Variants in RIMS2 observed in about 807,000 individuals in gnomAD.
The protein encoded by RIMS2 is regulating synaptic membrane exocytosis 2, also known as regulating synaptic membrane exocytosis protein 2.
In RIMS2, 59 loss-of-function variants were observed where a neutral mutation model predicts 174.4. The observed-to-expected ratio is 0.34, with a 90% CI of 0.27 to 0.42. The LOEUF (loss-of-function observed/expected upper bound fraction) is 0.42, where lower values mean the gene tolerates loss of function less well. Ranked by LOEUF, RIMS2 falls within the 10% of genes least tolerant of loss-of-function variation. The probability of loss-of-function intolerance (pLI) is 1.00; values close to 1 mark genes in which losing one functional copy is unlikely to be tolerated. For synonymous variants in RIMS2, 606 were observed against 572.5 expected (o/e 1.06, Z -0.84); for missense variants, 1,620 against 1,666.3 (o/e 0.97, Z 0.48).
chr8:103,612,664 C>T (rs143867461), intron 1 of RIMS2, among the ~76,000 whole-genome samples: 119 of 152,266 alleles, frequency 7.8e-4, no homozygotes, highest in Middle Eastern at 3.4e-3. Flanking sequence ...CTGCAACCTC[C>T]GCCTACTGGG....
At chr8:103,502,235 G>T (rs1820590531) in intron 1 of RIMS2, among the ~76,000 whole-genome samples, 2 of 152,046 alleles carry the variant, frequency 1.3e-5, no homozygotes, top group Non-Finnish European at 2.9e-5. Context: ...CCTCTATTCA[G>T]GTACATTTTA....
intron 19 of RIMS2, among the ~76,000 whole-genome samples, chr8:104,046,116 A>G (rs1336293447): frequency 6.6e-6 from 1 of 152,074 alleles, no homozygotes. Context: ...ATTCACAAAA[A>G]TTTATTTCTT....
At position 103,989,433 on chromosome 8, in the gene RIMS2, T is replaced by TA. The variant is rs771869620; in HGVS notation, c.3044+15dup. ...CCAGATAGAGACAGGTAAATATGAT[T>TA]AAATACTATTAGACCTTATTATTAA... On this transcript the variant is annotated intron_variant, in intron 17 of 23. Transcript: ENST00000504942. 3.0e-6 allele frequency: 4 copies of TA among 1,318,964 alleles called. No individual in the cohort carries two copies. The highest frequency in any genetic ancestry group is 4.4e-6 in the Non-Finnish European group (4 of 912,010). 81.7% of individuals were successfully genotyped at this position (1,318,964 alleles called of 1,614,324 possible).
chr8:104,183,010 A>G (rs2098948745), intron 19 of RIMS2, among the ~76,000 whole-genome samples: 1 of 151,790 alleles, frequency 6.6e-6, no homozygotes, highest in East Asian at 1.9e-4. Flanking sequence ...AAAAAAAGAA[A>G]TAAATGAGCC....
intron 1 of RIMS2, among the ~76,000 whole-genome samples, chr8:103,517,937 C>CA (rs1340636991): frequency 6.7e-6 from 1 of 148,870 alleles, no homozygotes; most frequent in Non-Finnish European, 1.5e-5. Context: ...AAAAAAATTG[C>CA]AAAAAAATCT....
intron 1 of RIMS2, among the ~76,000 whole-genome samples, chr8:103,518,605 AT>A (rs1255494193): frequency 6.6e-6 from 1 of 151,970 alleles, no homozygotes; most frequent in Non-Finnish European, 1.5e-5. Flanking sequence ...ATATTGCTGT[AT>A]CAGTTGTTAA....
At chr8:103,673,087 T>C (rs1364871576) in intron 1 of RIMS2, among the ~76,000 whole-genome samples, 6 of 152,180 alleles carry the variant, frequency 3.9e-5, no homozygotes, top group African/African-American at 9.6e-5. Flanking sequence ...GAAATCTCCT[T>C]TGACTCCATG....
At chr8:103,751,391 A>G (rs376025026) in intron 2 of RIMS2, among the ~76,000 whole-genome samples, 6 of 151,330 alleles carry the variant, frequency 4.0e-5, no homozygotes, top group South Asian at 4.3e-4. Flanking sequence ...ATTGTGAATA[A>G]TGCCACAATA....
At chr8:103,846,353 A>G (rs1253224380) in intron 3 of RIMS2, among the ~76,000 whole-genome samples, 1 of 152,158 alleles carries the variant, frequency 6.6e-6, no homozygotes, top group East Asian at 1.9e-4. Context: ...TTGTAAGGGA[A>G]TGGAGTGAAG....
At chr8:104,050,152 C>A (rs2096761888) in intron 19 of RIMS2, among the ~76,000 whole-genome samples, 1 of 151,994 alleles carries the variant, frequency 6.6e-6, no homozygotes, top group Non-Finnish European at 1.5e-5. Flanking sequence ...AATTGCTCTC[C>A]ATAAAGGAAA....
chr8:103,731,006 C>T (rs1176680), intron 2 of RIMS2, among the ~76,000 whole-genome samples: 59,719 of 151,992 alleles, frequency 0.39, 12,425 homozygotes, highest in East Asian at 0.77. Context: ...ACATGGATGG[C>T]GGCAGTCAAG....
intron 2 of RIMS2, among the ~76,000 whole-genome samples, chr8:103,739,306 A>G (rs894553135): frequency 1.3e-5 from 2 of 152,104 alleles, no homozygotes; most frequent in Non-Finnish European, 2.9e-5. Context: ...GCATGTTCTC[A>G]CTCATAGATG....
rs77269617 is a variant in RIMS2, at chr8:103,708,846, T to C, written c.387+11550T>C. 3.8e-3 allele frequency among the ~76,000 whole-genome samples: 575 copies of C among 152,304 alleles called. 8 individuals carry two copies. The highest frequency in any genetic ancestry group is 0.013 in the African/African-American group (544 of 41,586). On this transcript the variant is annotated intron_variant, in intron 2 of 23. Coordinates refer to ENST00000504942, the Ensembl canonical transcript of RIMS2. ...GAGGGCCTGGGGGAATTTTGGCCAT[T>C]ATTTTTCAAATATTTTTACTGTTCC...
chr8:103,551,288 G>T (rs1486785730), intron 1 of RIMS2, among the ~76,000 whole-genome samples: 1 of 152,138 alleles, frequency 6.6e-6, no homozygotes, highest in Non-Finnish European at 1.5e-5. Flanking sequence ...TGCAAGGCTG[G>T]TTCAACATAC....
intron 1 of RIMS2, among the ~76,000 whole-genome samples, chr8:103,523,254 A>C (rs1230436658): frequency 1.3e-5 from 2 of 152,132 alleles, no homozygotes; most frequent in Non-Finnish European, 2.9e-5. Flanking sequence ...ATTACTTGCC[A>C]AACTGTGCAG....
chr8:103,841,373 T>C (rs1176971575), intron 3 of RIMS2, among the ~76,000 whole-genome samples: 1 of 152,200 alleles, frequency 6.6e-6, no homozygotes, highest in African/African-American at 2.4e-5. Flanking sequence ...TATTACTTTA[T>C]AAATATCTCT....
intron 19 of RIMS2, 74 bp downstream of exon 23, chr8:104,068,686 A>T (rs1395798790): frequency 5.2e-6 from 4 of 764,496 alleles, no homozygotes; most frequent in Non-Finnish European, 8.9e-6. Flanking sequence ...TAAACTACTA[A>T]ATGCAGATTA....
At chr8:103,774,491 A>G (rs542202968) in intron 3 of RIMS2, among the ~76,000 whole-genome samples, 1 of 152,332 alleles carries the variant, frequency 6.6e-6, no homozygotes, top group African/African-American at 2.4e-5. Flanking sequence ...AAATAAGTGT[A>G]TTACTTATCA....
chr8:104,003,067 C>T (rs976793933), intron 17 of RIMS2, among the ~76,000 whole-genome samples: 1 of 151,632 alleles, frequency 6.6e-6, no homozygotes, highest in Non-Finnish European at 1.5e-5. Flanking sequence ...TAAATATAAC[C>T]TTTTTTAACA....
Sources: allele counts gnomAD v4.1 joint callset (sites outside exome capture counted in the v4.1 genomes callset), GRCh38; gene constraint gnomAD v4.1.1; transcripts MANE v1.5; gene names NCBI Gene and HGNC (gene_info 2026-07-23, HGNC 2026-07-21).